Variants in CATSPERT observed in about 807,000 individuals in gnomAD.
CATSPERT encodes catsper channel auxiliary subunit tau, also known as cation channel sperm-associated targeting subunit tau.
chr2:201,549,158 A>G, the CATSPERT span, among the ~76,000 whole-genome samples: 1 of 152,174 alleles, frequency 6.6e-6, no homozygotes, highest in South Asian at 2.1e-4. Flanking sequence ...AAAACCTGCA[A>G]TGGATTGCAG....
At chr2:201,569,985 C>T in the CATSPERT span, among the ~76,000 whole-genome samples, 20 of 152,170 alleles carry the variant, frequency 1.3e-4, no homozygotes, top group Admixed American at 3.3e-4. Flanking sequence ...AGTTCGAGAC[C>T]AGCCTGGGCA....
the CATSPERT span, chr2:201,534,493 T>G: frequency 1.0e-6 from 1 of 983,038 alleles, no homozygotes; most frequent in Non-Finnish European, 1.2e-6. Flanking sequence ...GTGGTTAATA[T>G]CTTGAAAATA....
the CATSPERT span, chr2:201,491,228 G>C: frequency 1.3e-6 from 2 of 1,537,728 alleles, no homozygotes; most frequent in Non-Finnish European, 1.7e-6. Context: ...TTCTTTAGGT[G>C]AATTCTTGTG....
At chr2:201,575,991 G>A in the CATSPERT span, among the ~76,000 whole-genome samples, 1 of 151,880 alleles carries the variant, frequency 6.6e-6, no homozygotes, top group African/African-American at 2.4e-5. Context: ...ACAAACATAA[G>A]GAATGTTCAA....
chr2:201,527,853 G>T, the CATSPERT span, among the ~76,000 whole-genome samples: 2 of 152,128 alleles, frequency 1.3e-5, no homozygotes, highest in East Asian at 1.9e-4. Flanking sequence ...CCCTGGAAAA[G>T]ATTTAATTAT....
At chr2:201,502,785 A>T in the CATSPERT span, among the ~76,000 whole-genome samples, 1 of 151,954 alleles carries the variant, frequency 6.6e-6, no homozygotes, top group South Asian at 2.1e-4. Flanking sequence ...TTTTCATCAA[A>T]CTTAAAAATA....
chr2:201,487,564 A>G, the CATSPERT span: 9 of 1,523,544 alleles, frequency 5.9e-6, no homozygotes, highest in Middle Eastern at 3.5e-4. Context: ...CTCACATATC[A>G]TTCTGAGTTA....
At chr2:201,543,373 T>C in the CATSPERT span, among the ~76,000 whole-genome samples, 1 of 152,200 alleles carries the variant, frequency 6.6e-6, no homozygotes, top group Non-Finnish European at 1.5e-5. Context: ...TTGCTTTTTC[T>C]ACTTCTGTGA....
At chr2:201,545,845 T>A in the CATSPERT span, among the ~76,000 whole-genome samples, 1 of 152,214 alleles carries the variant, frequency 6.6e-6, no homozygotes, top group South Asian at 2.1e-4. Flanking sequence ...GGAGTTGATG[T>A]TCCAAAGAAA....
chr2:201,586,232 C>A, the CATSPERT span, among the ~76,000 whole-genome samples: 5 of 151,968 alleles, frequency 3.3e-5, no homozygotes, highest in African/African-American at 1.2e-4. Context: ...CAACAGTAGA[C>A]TATTAGTAGT....
chr2:201,492,344 G>A, the CATSPERT span: 4 of 1,535,578 alleles, frequency 2.6e-6, no homozygotes, highest in Admixed American at 2.0e-5. Context: ...GATTTTGAAA[G>A]TTTTTCTATA....
the CATSPERT span, among the ~76,000 whole-genome samples, chr2:201,514,788 T>C: frequency 6.6e-6 from 1 of 152,236 alleles, no homozygotes; most frequent in Non-Finnish European, 1.5e-5. Flanking sequence ...TAAACAGCCA[T>C]AGTGGCCCAG....
At chr2:201,559,300 G>T in the CATSPERT span, among the ~76,000 whole-genome samples, 30 of 152,324 alleles carry the variant, frequency 2.0e-4, no homozygotes, top group African/African-American at 7.0e-4. Context: ...ACCTCCAGTG[G>T]CCATGCCCCT....
the CATSPERT span, among the ~76,000 whole-genome samples, chr2:201,578,022 A>T: frequency 6.6e-6 from 1 of 152,158 alleles, no homozygotes; most frequent in Non-Finnish European, 1.5e-5. Flanking sequence ...TCAGCTAAAA[A>T]ATTAATTTAT....
At chr2:201,600,806 C>T in the CATSPERT span, among the ~76,000 whole-genome samples, 11 of 150,506 alleles carry the variant, frequency 7.3e-5, no homozygotes, top group Admixed American at 3.3e-4. Flanking sequence ...GGCTGGAGTG[C>T]GATGGCATGA....
the CATSPERT span, among the ~76,000 whole-genome samples, chr2:201,612,930 C>T: frequency 4.6e-5 from 7 of 152,144 alleles, no homozygotes; most frequent in Admixed American, 1.3e-4. Flanking sequence ...GAAGGTCCCA[C>T]GCCCACGGAG....
chr2:201,522,438 T>G, the CATSPERT span, among the ~76,000 whole-genome samples: 1 of 151,976 alleles, frequency 6.6e-6, no homozygotes, highest in Admixed American at 6.6e-5. Flanking sequence ...AAGCAGATCT[T>G]CGGAAGGAAG....
chr2:201,601,269 T>C, the CATSPERT span, among the ~76,000 whole-genome samples: 1 of 126,310 alleles, frequency 7.9e-6, no homozygotes, highest in African/African-American at 3.1e-5. Context: ...AAAATAAGGA[T>C]GATAGTGTGT....
At chr2:201,487,846 T>C in the CATSPERT span, 3 of 1,614,060 alleles carry the variant, frequency 1.9e-6, no homozygotes, top group Non-Finnish European at 2.5e-6. Context: ...ATTTTACTTT[T>C]TTAAGGTGTG....
Sources: allele counts gnomAD v4.1 joint callset (sites outside exome capture counted in the v4.1 genomes callset), GRCh38; gene constraint gnomAD v4.1.1; transcripts MANE v1.5; gene names NCBI Gene and HGNC (gene_info 2026-07-23, HGNC 2026-07-21).